SPPL2B: variants seen among roughly 807,000 people sequenced by gnomAD.
The protein encoded by SPPL2B is signal peptide peptidase like 2B.
A neutral mutation model predicts 59.7 loss-of-function variants in SPPL2B; 39 were observed. The observed-to-expected ratio is 0.65, with a 90% CI of 0.51 to 0.85. SPPL2B has a LOEUF of 0.85. SPPL2B is among the 40% of genes least tolerant of loss of function. The pLI, the probability that SPPL2B is intolerant of heterozygous loss-of-function variation, is 0.00. For missense variants in SPPL2B, 865 were observed against 849.0 expected (o/e 1.02, Z -0.23); for synonymous variants, 419 against 370.8 (o/e 1.13, Z -1.49).
In SPPL2B at chr19:2,344,556, C is replaced by T. The variant is rs1483354818; in HGVS notation, c.1180C>T (p.Pro394Ser). Residue 394 changes from proline to serine, a missense_variant, in exon 12 of 15, where the codon CCC becomes TCC. Transcript: ENST00000613503. Reference protein sequence around the residue: ...PSDSATREKLPMVLKVPRLNS... With the variant: ...PSDSATREKLSMVLKVPRLNS... ...TGTCCTCTTCCCGTCTTTGCAGCTG[C>T]CCATGGTCCTGAAGGTGCCCAGGCT... 4.3e-6 allele frequency: 7 copies of T among 1,612,042 alleles called. No individual in the cohort carries two copies. The highest frequency in any genetic ancestry group is 5.9e-6 in the Non-Finnish European group (7 of 1,178,750).
rs12976827 is a variant in SPPL2B, at chr19:2,351,204, G to A, written c.1355-230G>A. 1.1e-3 allele frequency among the ~76,000 whole-genome samples: 165 copies of A among 152,260 alleles called. 1 individual carries two copies. Among genetic ancestry groups the A allele is most frequent in the African/African-American group, 3.8e-3 (156 of 41,562 alleles). On this transcript the variant is annotated intron_variant, in intron 13 of 14. Coordinates refer to ENST00000613503, the MANE Select transcript of SPPL2B (RefSeq NM_152988.3). ...CTTGCCCTGGCCCTTCCATGTCCTCGGTGACCCTGGCTCCGGTAGGGTCAG... is the reference window on the plus strand; with the variant it reads ...CTTGCCCTGGCCCTTCCATGTCCTCAGTGACCCTGGCTCCGGTAGGGTCAG...
rs1364052673 is a variant in SPPL2B, at chr19:2,343,949, G to A, written c.1039-16G>A. ...CGGGCCGGGGTGGGGGCCGCCCTCA[G>A]CCGTGGGCTTCGCAGGCCTGCACGC... On this transcript the variant is annotated splice_polypyrimidine_tract_variant and intron_variant, in intron 9 of 14. Transcript: ENST00000613503. The A allele has an allele frequency of 2.6e-6, 4 of 1,546,280 alleles. No homozygotes were observed. The Admixed American group carries it at 7.9e-5, about 30-fold the overall frequency.
Position 2,353,517 on chromosome 19 carries a change from C to T in SPPL2B, c.*308C>T, listed in dbSNP as rs909000792. The T allele has an allele frequency of 2.0e-5, 8 of 395,388 alleles. No homozygotes were observed. Among genetic ancestry groups the T allele is most frequent in the Admixed American group, 4.4e-5 (1 of 22,922 alleles). The allele number at this position is 395,388 out of a possible 1,614,324, so 24.5% of individuals were successfully genotyped here. Reference sequence around the variant, plus strand: ...CCCGGCCTCTCTGCAGACCCTCAAGCGTCGTCTGCATGAGTGAGCAGGCGT... The same window carrying T: ...CCCGGCCTCTCTGCAGACCCTCAAGTGTCGTCTGCATGAGTGAGCAGGCGT... On this transcript the variant is annotated 3_prime_UTR_variant, in exon 15 of 15. Transcript: ENST00000613503.
chr19:2,338,869 C>A (rs773473450), intron 4 of SPPL2B, 28 bp downstream of exon 4: 2 of 1,603,084 alleles, frequency 1.2e-6, no homozygotes, highest in Non-Finnish European at 1.7e-6. Context: ...CAGACCCACG[C>A]TCCCGAGGAG....
chr19:2,341,593 C>A (rs1431438333), intron 8 of SPPL2B: 3 of 456,210 alleles, frequency 6.6e-6, no homozygotes, highest in Non-Finnish European at 4.4e-6. Context: ...CCGCCCGGTC[C>A]CCACCGCTGT....
chr19:2,330,913 G>A (rs934921723), intron 1 of SPPL2B, among the ~76,000 whole-genome samples: 4 of 152,178 alleles, frequency 2.6e-5, no homozygotes, highest in African/African-American at 9.7e-5. Context: ...CCAGAACCCT[G>A]GTTGTAAATA....
Position 2,339,097 on chromosome 19 carries a change from T to C in SPPL2B, c.488T>C (p.Leu163Pro), listed in dbSNP as rs772463792. Residue 163 changes from leucine to proline, a missense_variant, in exon 5 of 15, where the codon CTG becomes CCG. Leu to Pro is a moderately conservative substitution (Grantham distance 98). Transcript: ENST00000613503. Reference protein sequence around the residue: ...TRFGRTVRAALYAPKEPVLDY... With the variant: ...TRFGRTVRAAPYAPKEPVLDY... ...TTCGGCCGCACGGTGAGGGCGGCGC[T>C]GTATGCGCCTAAGGAGCCGGTGCTG... The C allele has an allele frequency of 3.8e-6, 6 of 1,569,690 alleles. No homozygotes were observed. The highest frequency in any genetic ancestry group is 1.9e-5 in the Admixed American group (1 of 52,632).
At chr19:2,340,450 C>T (rs1968961654) in intron 7 of SPPL2B, 3 of 627,340 alleles carry the variant, frequency 4.8e-6, no homozygotes, top group African/African-American at 1.9e-5. Context: ...CTGGGTTCCC[C>T]AGGGTTCTCC....
intron 3 of SPPL2B, 182 bp from the exon 4 acceptor site, chr19:2,338,570 C>T: frequency 1.8e-6 from 1 of 561,720 alleles, no homozygotes; most frequent in Non-Finnish European, 3.2e-6. Flanking sequence ...CTTCGGCCTC[C>T]CTGTTCTTGG....
At chr19:2,346,115 T>A (rs763227680) in intron 13 of SPPL2B, among the ~76,000 whole-genome samples, 3 of 152,266 alleles carry the variant, frequency 2.0e-5, no homozygotes, top group Admixed American at 6.5e-5. Context: ...CCACATTGTT[T>A]TGAAAAATGT....
At chr19:2,348,763 T>A (rs1969668030) in intron 13 of SPPL2B, among the ~76,000 whole-genome samples, 2 of 100,712 alleles carry the variant, frequency 2.0e-5, no homozygotes, top group Non-Finnish European at 2.1e-5. Flanking sequence ...CCACACACAC[T>A]CACGCGCTCT....
At chr19:2,349,845 A>ACG (rs200635050) in intron 13 of SPPL2B, among the ~76,000 whole-genome samples, 4 of 68,778 alleles carry the variant, frequency 5.8e-5, no homozygotes, top group East Asian at 5.3e-4. Context: ...ACACACACTC[A>ACG]CGCTCTCATT....
In SPPL2B at chr19:2,351,875, CG is replaced by C. The variant is rs1040773730; in HGVS notation, c.1515+286del. On this transcript the variant is annotated intron_variant, in intron 14 of 14. Transcript: ENST00000613503. ...GGGCCCAGGGGTGCCGGGTGGGACGCGGGGGTGCCGGCTGGGACTCGGGGGT... is the reference window on the plus strand; with the variant it reads ...GGGCCCAGGGGTGCCGGGTGGGACGCGGGGTGCCGGCTGGGACTCGGGGGT... 6.6e-5 allele frequency among the ~76,000 whole-genome samples: 10 copies of C among 151,594 alleles called. No individual in the cohort carries two copies. The East Asian group carries it at 1.6e-3, about 24-fold the overall frequency.
In SPPL2B at chr19:2,337,619, G is replaced by A; in HGVS notation, c.363G>A (p.Glu121=). 1 of 1,580,258 alleles carries A rather than the reference G, an allele frequency of 6.3e-7. No homozygotes were observed. Among genetic ancestry groups the A allele is most frequent in the Admixed American group, 1.7e-5 (1 of 58,690 alleles). The change falls in exon 3 of 15, where the codon GAG becomes GAA. Residue 121 remains glutamate (E), a synonymous_variant. Transcript: ENST00000613503. ...GCGGGCTGCTCATCGTCAGCAGGGA[G>A]AGGCTGGTACGGCCCTGTGCGTCCC... ...GARGLLIVSR[E]RLVPPGGNKT...
intron 1 of SPPL2B, among the ~76,000 whole-genome samples, chr19:2,329,879 G>A (rs1241945938): frequency 6.6e-6 from 1 of 152,200 alleles, no homozygotes; most frequent in Non-Finnish European, 1.5e-5. Context: ...CTTACCCTGA[G>A]ATGCCCCTGG....
intron 5 of SPPL2B, chr19:2,339,564 C>T (rs921144283): frequency 8.0e-5 from 47 of 590,824 alleles, no homozygotes; most frequent in African/African-American, 7.5e-4. Context: ...ATCCAAGCTG[C>T]GGTTGCTGCC....
chr19:2,340,453 G>C (rs1218811830), intron 7 of SPPL2B: 5 of 624,364 alleles, frequency 8.0e-6, no homozygotes, highest in South Asian at 3.2e-5. Flanking sequence ...GGTTCCCCAG[G>C]GTTCTCCGGG....
chr19:2,334,887 A>G (rs897860345), intron 2 of SPPL2B, among the ~76,000 whole-genome samples, 166 bp downstream of exon 2: 4 of 152,048 alleles, frequency 2.6e-5, no homozygotes, highest in African/African-American at 4.8e-5. Context: ...GGCCTCCCCA[A>G]CCCTGGTCAT....
chr19:2,350,347 C>G lies in SPPL2B; in HGVS notation c.1355-1087C>G, dbSNP rs535989167. On this transcript the variant is annotated intron_variant, in intron 13 of 14. Coordinates refer to ENST00000613503, the MANE Select transcript of SPPL2B (RefSeq NM_152988.3). ...CTCTCCACACACACACTCACGTGCT[C>G]TCATTCGCTTGATTCCGTTCTCTCT... 2.0e-5 allele frequency among the ~76,000 whole-genome samples: 3 copies of G among 149,730 alleles called. No individual in the cohort carries two copies. The East Asian group carries it at 6.0e-4, about 30-fold the overall frequency.
Sources: allele counts gnomAD v4.1 joint callset (sites outside exome capture counted in the v4.1 genomes callset), GRCh38; gene constraint gnomAD v4.1.1; transcripts MANE v1.5; gene names NCBI Gene and HGNC (gene_info 2026-07-23, HGNC 2026-07-21).